SOX5: variants seen among roughly 807,000 people sequenced by gnomAD.
The protein encoded by SOX5 is SRY-box transcription factor 5, also known as transcription factor SOX-5.
In SOX5, 9 loss-of-function variants were observed where a neutral mutation model predicts 92.0. That is an observed-to-expected ratio of 0.10 (90% CI 0.06 to 0.17). The LOEUF (loss-of-function observed/expected upper bound fraction) is 0.17. SOX5 is among the 10% of genes least tolerant of loss of function. The pLI is 1.00. For synonymous variants in SOX5, 344 were observed against 336.3 expected (o/e 1.02, Z -0.25); for missense variants, 642 against 944.5 (o/e 0.68, Z 4.20).
At chr12:23,660,406 A>C in intron 7 of SOX5, among the ~76,000 whole-genome samples, 1 of 152,166 alleles carries the variant, frequency 6.6e-6, no homozygotes, top group Non-Finnish European at 1.5e-5. Flanking sequence ...AATAACTTAC[A>C]TTAGGACAAT....
At chr12:24,017,852 C>T (rs1306959509) in intron 4 of SOX5, among the ~76,000 whole-genome samples, 1 of 152,116 alleles carries the variant, frequency 6.6e-6, no homozygotes, top group Non-Finnish European at 1.5e-5. Context: ...GCCTCGTCCA[C>T]ACACACATCA....
chr12:24,489,245 T>A (rs962483834), intron 1 of SOX5, among the ~76,000 whole-genome samples: 1 of 152,242 alleles, frequency 6.6e-6, no homozygotes, highest in Non-Finnish European at 1.5e-5. Flanking sequence ...ATTTGCTTCA[T>A]GTAGATTTCA....
intron 11 of SOX5, among the ~76,000 whole-genome samples, chr12:23,547,595 G>C (rs1943386057): frequency 6.6e-6 from 1 of 151,854 alleles, no homozygotes; most frequent in Non-Finnish European, 1.5e-5. Context: ...TGAAGTCTCT[G>C]ACAATGTGAC....
chr12:23,863,922 T>A (rs1231960746), intron 2 of SOX5, among the ~76,000 whole-genome samples: 1 of 151,294 alleles, frequency 6.6e-6, no homozygotes, highest in African/African-American at 2.4e-5. Context: ...CTAGAAGGAA[T>A]AAAAATACAG....
chr12:24,518,154 C>T (rs191777256), intron 1 of SOX5, among the ~76,000 whole-genome samples: 2 of 152,018 alleles, frequency 1.3e-5, no homozygotes, highest in African/African-American at 2.4e-5. Context: ...CTGCAACCTC[C>T]ACCTCCCAGC....
At chr12:23,569,208 T>A (rs988612974) in intron 10 of SOX5, among the ~76,000 whole-genome samples, 17 of 152,046 alleles carry the variant, frequency 1.1e-4, no homozygotes, top group Non-Finnish European at 1.9e-4. Context: ...AAAATAAAAA[T>A]ATCTATTTAT....
At chr12:23,570,285 C>T (rs1179591457) in intron 10 of SOX5, among the ~76,000 whole-genome samples, 2 of 152,080 alleles carry the variant, frequency 1.3e-5, no homozygotes, top group African/African-American at 2.4e-5. Context: ...TGAAAGCTCA[C>T]CGGAATTAGA....
chr12:23,979,698 G>GTTATTTTTT (rs1949312730), intron 4 of SOX5, among the ~76,000 whole-genome samples: 1 of 64,692 alleles, frequency 1.5e-5, no homozygotes, highest in Non-Finnish European at 2.7e-5. Flanking sequence ...ATATATATAT[G>GTTATTTTTT]TTTTTTTTGT....
chr12:24,371,813 C>A (rs1956769368), intron 1 of SOX5, among the ~76,000 whole-genome samples: 1 of 152,076 alleles, frequency 6.6e-6, no homozygotes, highest in Non-Finnish European at 1.5e-5. Flanking sequence ...CATGATGAAA[C>A]CTCATCTCTA....
At chr12:24,505,419 G>A (rs1204499081) in intron 1 of SOX5, among the ~76,000 whole-genome samples, 2 of 152,016 alleles carry the variant, frequency 1.3e-5, no homozygotes, top group Non-Finnish European at 2.9e-5. Flanking sequence ...TTCTTGAGAT[G>A]TTACTGAATT....
At chr12:24,285,968 T>C (rs955429277) in intron 2 of SOX5, among the ~76,000 whole-genome samples, 1 of 152,204 alleles carries the variant, frequency 6.6e-6, no homozygotes, top group African/African-American at 2.4e-5. Context: ...CCTCATCAAA[T>C]TTGAACTAGA....
At chr12:24,451,583 A>G (rs936495220) in intron 1 of SOX5, among the ~76,000 whole-genome samples, 10 of 152,190 alleles carry the variant, frequency 6.6e-5, no homozygotes, top group Non-Finnish European at 1.2e-4. Flanking sequence ...CATCTTTTTA[A>G]AAAAATGAAT....
chr12:23,570,928 AAAATATATATAT>A (rs1948183231), intron 10 of SOX5, among the ~76,000 whole-genome samples: 2 of 23,188 alleles, frequency 8.6e-5, no homozygotes, highest in African/African-American at 3.7e-4. Context: ...AAAAAAAAAA[AAAATATATATAT>A]ATATATATAT....
chr12:24,295,788 G>T (rs1947152494), intron 2 of SOX5, among the ~76,000 whole-genome samples: 1 of 152,078 alleles, frequency 6.6e-6, no homozygotes, highest in Non-Finnish European at 1.5e-5. Flanking sequence ...GGCCGGTTTT[G>T]AACTCCTGAC....
At chr12:23,834,461 G>T (rs1166019446) in intron 3 of SOX5, among the ~76,000 whole-genome samples, 1 of 151,838 alleles carries the variant, frequency 6.6e-6, no homozygotes, top group East Asian at 1.9e-4. Flanking sequence ...TCATTTTTAA[G>T]ATAAGAACTT....
intron 2 of SOX5, among the ~76,000 whole-genome samples, chr12:24,328,554 T>C (rs1388059153): frequency 2.6e-5 from 4 of 152,224 alleles, no homozygotes; most frequent in Non-Finnish European, 5.9e-5. Context: ...AAAGCTTGGT[T>C]TGATATTTCT....
chr12:23,892,147 T>C (rs1376483534), intron 2 of SOX5, among the ~76,000 whole-genome samples: 1 of 152,068 alleles, frequency 6.6e-6, no homozygotes, highest in African/African-American at 2.4e-5. Context: ...CATGAGAAAA[T>C]ATATAAATAA....
chr12:24,273,599 G>C (rs1438111589), intron 3 of SOX5, among the ~76,000 whole-genome samples: 3 of 152,106 alleles, frequency 2.0e-5, no homozygotes, highest in Non-Finnish European at 2.9e-5. Flanking sequence ...TCTCATCAGA[G>C]GTTTGAAACA....
chr12:24,537,934 A>G (rs1951781088), intron 1 of SOX5, among the ~76,000 whole-genome samples: 2 of 152,174 alleles, frequency 1.3e-5, no homozygotes, highest in South Asian at 4.1e-4. Context: ...ACTTTTCCAC[A>G]GTTACATTTC....
Sources: gnomAD v4.1 joint callset for allele counts (sites outside exome capture counted in the v4.1 genomes callset) on GRCh38, gnomAD v4.1.1 for gene constraint, MANE v1.5 for transcripts, NCBI Gene and HGNC (gene_info 2026-07-23, HGNC 2026-07-21) for gene names.